KDM4C: variants seen among roughly 807,000 people sequenced by gnomAD.
KDM4C encodes the protein lysine-specific demethylase 4C.
In KDM4C, 81 loss-of-function variants were observed where a neutral mutation model predicts 129.3. The observed-to-expected ratio is 0.63, with a 90% CI of 0.52 to 0.75. KDM4C has a LOEUF of 0.75. KDM4C is among the 30% of genes least tolerant of loss of function. KDM4C has a pLI of 0.00. For synonymous variants in KDM4C, 573 were observed against 456.1 expected, an observed-to-expected ratio of 1.26 and a Z score of -3.26; for missense variants, 1,457 against 1,304.0, an observed-to-expected ratio of 1.12 and a Z score of -1.81.
chr9:6,759,794 A>T (rs1033297305), intron 1 of KDM4C, among the ~76,000 whole-genome samples: 21 of 151,988 alleles, frequency 1.4e-4, no homozygotes, highest in African/African-American at 4.8e-4. Context: ...CTGTACCAAA[A>T]ATTCAAAAAT....
rs1048714640 is a variant in KDM4C, at chr9:7,154,427, A to G, written c.2782-10811A>G. Among the ~76,000 whole-genome samples, 7 of 152,196 alleles carry G rather than the reference A, an allele frequency of 4.6e-5. No individual in the cohort carries two copies. In the East Asian group the frequency reaches 7.7e-4, roughly 17 times the overall value. On this transcript the variant is annotated intron_variant, in intron 19 of 21. Transcript: ENST00000381309. The stretch of plus-strand genomic sequence containing the variant: ...TGCAACTCTGCTCACAGATGGGGCT[A>G]CCTGCTCTGTGGTTTATACACGTAA...
intron 10 of KDM4C, among the ~76,000 whole-genome samples, chr9:6,984,620 T>C (rs818907): frequency 0.99 from 151,234 of 152,262 alleles, 75,113 homozygotes; most frequent in East Asian, 1. Flanking sequence ...AGACAAGCAG[T>C]CAGCAGTGCC....
chr9:6,921,987 C>G (rs2131213002), intron 8 of KDM4C, among the ~76,000 whole-genome samples: 1 of 152,314 alleles, frequency 6.6e-6, no homozygotes, highest in East Asian at 1.9e-4. Flanking sequence ...GATATCATTT[C>G]TCAATTTGAA....
intron 15 of KDM4C, among the ~76,000 whole-genome samples, chr9:7,016,167 G>A (rs141326722): frequency 4.7e-4 from 69 of 148,148 alleles, no homozygotes; most frequent in East Asian, 2.6e-3. Flanking sequence ...TCTCTCTGTC[G>A]CCCAGGCTAG....
At chr9:7,126,022 C>G (rs949868540) in intron 18 of KDM4C, among the ~76,000 whole-genome samples, 1 of 152,178 alleles carries the variant, frequency 6.6e-6, no homozygotes, top group Non-Finnish European at 1.5e-5. Context: ...TCTTGAAAAT[C>G]AAAACAAACA....
In KDM4C at chr9:6,795,371, G is replaced by A. The variant is rs2130902655; in HGVS notation, c.144+2239G>A. Among the ~76,000 whole-genome samples the A allele has an allele frequency of 1.3e-5, 2 of 152,292 alleles. 1 individual carries two copies. The highest frequency in any genetic ancestry group is 4.2e-4 in the South Asian group (2 of 4,816). ...TTTGAGACGGGAGTCTCGCTCTGTT[G>A]CCCAGGCAGGAGTGCAGAGGCACGA... On this transcript the variant is annotated intron_variant, in intron 2 of 21. Transcript: ENST00000381309.
intron 8 of KDM4C, among the ~76,000 whole-genome samples, chr9:6,919,251 C>CT (rs1184093275): frequency 1.6e-4 from 9 of 55,960 alleles, no homozygotes; most frequent in East Asian, 8.2e-4. Flanking sequence ...TCTTTCTTTT[C>CT]TTTCTTTCTT....
intron 5 of KDM4C, among the ~76,000 whole-genome samples, chr9:6,858,260 A>T (rs1228130041): frequency 3.1e-5 from 3 of 96,230 alleles, no homozygotes; most frequent in Non-Finnish European, 7.0e-5. Context: ...AAATTTGCAT[A>T]TTAATGAATT....
chr9:7,018,975 A>G (rs991629216), intron 15 of KDM4C, among the ~76,000 whole-genome samples: 11 of 152,176 alleles, frequency 7.2e-5, no homozygotes, highest in Non-Finnish European at 1.6e-4. Context: ...TTTTAGACCT[A>G]CATAATTTAT....
At chr9:6,920,446 C>G (rs1821285477) in intron 8 of KDM4C, among the ~76,000 whole-genome samples, 1 of 151,938 alleles carries the variant, frequency 6.6e-6, no homozygotes, top group Non-Finnish European at 1.5e-5. Flanking sequence ...ACCTGTAATC[C>G]CAGCTACTCA....
Position 6,865,528 on chromosome 9 carries a change from G to A in KDM4C, c.630-14484G>A, listed in dbSNP as rs142080607. Reference sequence around the variant, plus strand: ...TGTGGATGTATGTCTATGACTTTGCGTTATTGTAGGCTTAGTTATTTATCT... The same window carrying A: ...TGTGGATGTATGTCTATGACTTTGCATTATTGTAGGCTTAGTTATTTATCT... On this transcript the variant is annotated intron_variant, in intron 5 of 21. Transcript: ENST00000381309. Among the ~76,000 whole-genome samples, 1,251 of 152,110 alleles carry A rather than the reference G, an allele frequency of 8.2e-3. 20 individuals carry two copies. The highest frequency in any genetic ancestry group is 0.029 in the African/African-American group (1,188 of 41,512).
At chr9:6,768,540 A>G (rs1200223568) in intron 1 of KDM4C, among the ~76,000 whole-genome samples, 1 of 152,154 alleles carries the variant, frequency 6.6e-6, no homozygotes, top group Non-Finnish European at 1.5e-5. Context: ...TAACACTGAT[A>G]CATTACTATC....
At chr9:7,115,258 C>T (rs903789129) in intron 18 of KDM4C, among the ~76,000 whole-genome samples, 1 of 151,980 alleles carries the variant, frequency 6.6e-6, no homozygotes, top group Non-Finnish European at 1.5e-5. Flanking sequence ...AAAATGCTTG[C>T]TTGCTTTTTG....
intron 8 of KDM4C, among the ~76,000 whole-genome samples, chr9:6,950,234 C>A (rs1827891750): frequency 6.6e-6 from 1 of 152,034 alleles, no homozygotes; most frequent in South Asian, 2.1e-4. Context: ...ATTCTCCTTT[C>A]CAGAGGTTTT....
intron 8 of KDM4C, among the ~76,000 whole-genome samples, chr9:6,975,978 C>A (rs1589415375): frequency 6.6e-6 from 1 of 152,212 alleles, no homozygotes; most frequent in Admixed American, 6.5e-5. Flanking sequence ...GGAGAGGTTG[C>A]AGTGAGCCGA....
chr9:6,756,240 G>T (rs1180939330), upstream of KDM4C, among the ~76,000 whole-genome samples: 2 of 152,148 alleles, frequency 1.3e-5, no homozygotes, highest in African/African-American at 4.8e-5. Flanking sequence ...ATTATTATAA[G>T]TATTTATTAA....
intron 8 of KDM4C, among the ~76,000 whole-genome samples, chr9:6,910,274 A>G (rs1819053676): frequency 6.6e-6 from 1 of 152,198 alleles, no homozygotes; most frequent in Admixed American, 6.5e-5. Context: ...GTAATTCATT[A>G]ATCTTTAAAT....
intron 15 of KDM4C, among the ~76,000 whole-genome samples, chr9:7,035,792 T>C (rs185019806): frequency 3.7e-4 from 57 of 152,270 alleles, no homozygotes; most frequent in Admixed American, 3.7e-3. Flanking sequence ...ATCGTATGAC[T>C]GTAGATATGT....
At chr9:6,759,937 T>C (rs1282878629) in intron 1 of KDM4C, among the ~76,000 whole-genome samples, 8 of 135,414 alleles carry the variant, frequency 5.9e-5, no homozygotes, top group Non-Finnish European at 9.3e-5. Context: ...TGAGACTCCA[T>C]CTCAAAAAAA....
Sources: gnomAD v4.1 joint callset for allele counts (sites outside exome capture counted in the v4.1 genomes callset) on GRCh38, gnomAD v4.1.1 for gene constraint, MANE v1.5 for transcripts, NCBI Gene and HGNC (gene_info 2026-07-23, HGNC 2026-07-21) for gene names.